Variants in TBC1D8B observed in about 807,000 individuals in gnomAD.
TBC1D8B encodes TBC1 domain family member 8B, also known as RP11-321G1.1.
TBC1D8B carries 75 observed loss-of-function variants against 82.9 expected under a neutral mutation model. The observed-to-expected ratio is 0.90, with a 90% CI of 0.75 to 1.10. The LOEUF (loss-of-function observed/expected upper bound fraction) is 1.10. TBC1D8B is among the 50% of genes least tolerant of loss of function. TBC1D8B has a pLI of 0.00. For missense variants in TBC1D8B, 794 were observed against 796.9 expected, an observed-to-expected ratio of 1.00 and a Z score of 0.04; for synonymous variants, 276 against 276.8, an observed-to-expected ratio of 1.00 and a Z score of 0.03.
At chrX:106,815,133 C>A in intron 1 of TBC1D8B, 1 of 113,938 alleles carries the variant, frequency 8.8e-6, no homozygotes, top group South Asian at 3.5e-4. Context: ...TTCCTATGTC[C>A]TGAATGGTAA....
At position 106,873,875 on chromosome X, in the gene TBC1D8B, A is replaced by T. The variant is rs774239139; in HGVS notation, c.3273A>T (p.Ala1091=). The part of the protein sequence containing the change: ...QILASLLNEP[A]LVRFFEKPID... ...TTGCATCGCTGTTGAATGAACCAGC[A>T]TTGGTGAGGTTTTTTGAGAAACCCA... The change falls in exon 21 of 21, where the codon GCA becomes GCT. Residue 1091 remains alanine (A), a synonymous_variant. Transcript: ENST00000357242. The T allele has an allele frequency of 8.3e-7, 1 of 1,210,841 alleles. No individual in the cohort carries two copies. Among genetic ancestry groups the T allele is most frequent in the Admixed American group, 2.2e-5 (1 of 45,850 alleles).
At chrX:106,863,693 G>T (rs1932794899) in intron 14 of TBC1D8B, among the ~76,000 whole-genome samples, 1 of 112,173 alleles carries the variant, frequency 8.9e-6, no homozygotes, top group South Asian at 3.8e-4. Flanking sequence ...TGGACCACTG[G>T]ACTGGAAGCT....
chrX:106,859,481 G>A (rs936082680), intron 14 of TBC1D8B, among the ~76,000 whole-genome samples: 4 of 111,452 alleles, frequency 3.6e-5, no homozygotes, highest in African/African-American at 1.3e-4. Flanking sequence ...TTGTGAGTAG[G>A]ATTGAGTTCT....
intron 1 of TBC1D8B, among the ~76,000 whole-genome samples, chrX:106,804,620 A>G (rs1029552029): frequency 1.8e-5 from 2 of 111,880 alleles, no homozygotes; most frequent in Non-Finnish European, 3.8e-5. Context: ...AATAGATTTC[A>G]GGCCGGGCAC....
intron 20 of TBC1D8B, among the ~76,000 whole-genome samples, chrX:106,871,183 A>G (rs1026875325): frequency 1.8e-5 from 2 of 111,653 alleles, no homozygotes; most frequent in East Asian, 2.8e-4. Flanking sequence ...GAGATGGGTC[A>G]CACCCTGGTT....
intron 1 of TBC1D8B, among the ~76,000 whole-genome samples, chrX:106,809,939 A>T (rs1396452177): frequency 2.7e-5 from 3 of 110,463 alleles, no homozygotes; most frequent in Non-Finnish European, 5.7e-5. Context: ...GGAGTTTATC[A>T]TGTGATGGCT....
At chrX:106,832,362 T>C (rs963387346) in intron 7 of TBC1D8B, among the ~76,000 whole-genome samples, 5 of 111,723 alleles carry the variant, frequency 4.5e-5, no homozygotes, top group African/African-American at 1.6e-4. Context: ...TAAAGAGATT[T>C]AGTAAAATTC....
At chrX:106,823,639 G>C (rs753862533) in intron 5 of TBC1D8B, among the ~76,000 whole-genome samples, 173 bp downstream of exon 5, 3 of 110,570 alleles carry the variant, frequency 2.7e-5, no homozygotes, top group Non-Finnish European at 5.7e-5. Flanking sequence ...TACATAAATA[G>C]TACCCTTCTC....
At chrX:106,805,828 A>G (rs1244260916) in intron 1 of TBC1D8B, among the ~76,000 whole-genome samples, 4 of 112,556 alleles carry the variant, frequency 3.6e-5, no homozygotes, top group Admixed American at 2.8e-4. Flanking sequence ...CCACATTTGG[A>G]TTAGCTCTCA....
chrX:106,847,818 C>A (rs1932490213), intron 10 of TBC1D8B, among the ~76,000 whole-genome samples: 1 of 111,507 alleles, frequency 9.0e-6, no homozygotes, highest in Non-Finnish European at 1.9e-5. Context: ...GTTGGAAATA[C>A]AGATGAAGTT....
chrX:106,854,383 A>T (rs1932654892), intron 14 of TBC1D8B, 87 bp downstream of exon 14: 3 of 573,598 alleles, frequency 5.2e-6, no homozygotes, highest in Admixed American at 4.6e-5. Context: ...TGGGCGAATA[A>T]AATGAAAAGG....
intron 1 of TBC1D8B, among the ~76,000 whole-genome samples, chrX:106,807,083 A>G (rs1273145754): frequency 1.8e-5 from 2 of 111,209 alleles, no homozygotes; most frequent in African/African-American, 3.3e-5. Flanking sequence ...CCTGCATTTC[A>G]TGCTTACAAA....
chrX:106,814,932 A>G (rs1267154424), intron 1 of TBC1D8B: 34 of 111,143 alleles, frequency 3.1e-4, no homozygotes, highest in Admixed American at 6.7e-4. Flanking sequence ...GTTCATTGTA[A>G]ATTCTGGATA....
intron 7 of TBC1D8B, among the ~76,000 whole-genome samples, chrX:106,832,421 A>G (rs1394779367): frequency 9.0e-6 from 1 of 111,441 alleles, no homozygotes; most frequent in African/African-American, 3.2e-5. Flanking sequence ...TCATTGACAC[A>G]TATAATCAAG....
At chrX:106,819,990 A>G (rs1470613114) in intron 2 of TBC1D8B, among the ~76,000 whole-genome samples, 2 of 110,773 alleles carry the variant, frequency 1.8e-5, no homozygotes, top group Non-Finnish European at 3.8e-5. Context: ...TACTCTTGCT[A>G]TGGTGACTTA....
intron 7 of TBC1D8B, among the ~76,000 whole-genome samples, chrX:106,831,076 C>T (rs982500572): frequency 9.1e-6 from 1 of 110,286 alleles, no homozygotes; most frequent in African/African-American, 3.3e-5. Context: ...TTTACAATGT[C>T]CAGGAACCCC....
intron 1 of TBC1D8B, among the ~76,000 whole-genome samples, chrX:106,807,231 C>T (rs1397086612): frequency 9.4e-6 from 1 of 105,934 alleles, no homozygotes; most frequent in Non-Finnish European, 1.9e-5. Context: ...CACACAAACA[C>T]ACACACACAA....
chrX:106,854,238 G>A lies in TBC1D8B; in HGVS notation c.2294G>A (p.Arg765His), dbSNP rs202142436. Reference protein sequence around the residue: ...NIRYEDIHSMRCRNRLYVIQT... With the variant: ...NIRYEDIHSMHCRNRLYVIQT... Reference sequence around the variant, plus strand: ...CGCTATGAAGATATACATAGTATGCGCTGTCGAAATAGGTTGTATGTGATA... The same window carrying A: ...CGCTATGAAGATATACATAGTATGCACTGTCGAAATAGGTTGTATGTGATA... The change falls in exon 14 of 21, where the codon CGC becomes CAC. Residue 765 changes from arginine to histidine, a missense_variant. Coordinates refer to ENST00000357242, the MANE Select transcript of TBC1D8B (RefSeq NM_017752.3). 86 of 1,194,772 alleles carry A rather than the reference G, an allele frequency of 7.2e-5. No homozygotes were observed. The highest frequency in any genetic ancestry group is 9.1e-5 in the Non-Finnish European group (81 of 889,044).
chrX:106,803,106 GTTC>G, intron 1 of TBC1D8B, 123 bp downstream of exon 1: 1 of 844,181 alleles, frequency 1.2e-6, no homozygotes, highest in Non-Finnish European at 1.6e-6. Flanking sequence ...AGGGACTGGG[GTTC>G]TTCTCCCGAC....
Sources: allele counts gnomAD v4.1 joint callset (sites outside exome capture counted in the v4.1 genomes callset), GRCh38; gene constraint gnomAD v4.1.1; transcripts MANE v1.5; gene names NCBI Gene and HGNC (gene_info 2026-07-23, HGNC 2026-07-21).